SLC16A7: variants seen among roughly 807,000 people sequenced by gnomAD.
The protein encoded by SLC16A7 is solute carrier family 16 member 7.
A neutral mutation model predicts 34.9 loss-of-function variants in SLC16A7; 33 were observed. That is an observed-to-expected ratio of 0.94 (90% CI 0.72 to 1.26). The LOEUF is 1.26. Ranked by LOEUF, SLC16A7 falls within the 50% of genes most tolerant of loss-of-function variation. The pLI is 0.00. For synonymous variants in SLC16A7, 201 were observed against 206.6 expected, an observed-to-expected ratio of 0.97 and a Z score of 0.23; for missense variants, 573 against 578.1, an observed-to-expected ratio of 0.99 and a Z score of 0.09.
intron 3 of SLC16A7, among the ~76,000 whole-genome samples, chr12:59,754,276 T>TAA (rs1879995077): frequency 2.0e-5 from 3 of 151,686 alleles, no homozygotes; most frequent in Admixed American, 2.0e-4. Context: ...CTGAAGGAAA[T>TAA]AGAGACCAAA....
At chr12:59,747,642 A>G (rs781139843) in intron 3 of SLC16A7, among the ~76,000 whole-genome samples, 1 of 152,194 alleles carries the variant, frequency 6.6e-6, no homozygotes, top group Non-Finnish European at 1.5e-5. Context: ...TAAAGCAAAC[A>G]ATACTGTCAA....
At chr12:59,600,272 G>T (rs941365179) in intron 1 of SLC16A7, among the ~76,000 whole-genome samples, 11 of 151,958 alleles carry the variant, frequency 7.2e-5, no homozygotes, top group South Asian at 2.1e-4. Context: ...ACAGATTTTT[G>T]GGAACTCTGA....
At chr12:59,688,533 G>T (rs946487966) in intron 2 of SLC16A7, among the ~76,000 whole-genome samples, 1 of 152,036 alleles carries the variant, frequency 6.6e-6, no homozygotes, top group Non-Finnish European at 1.5e-5. Flanking sequence ...ATATTAAATT[G>T]TTAAGTGTCT....
chr12:59,736,828 T>A (rs1398035902), intron 3 of SLC16A7, among the ~76,000 whole-genome samples: 1 of 152,226 alleles, frequency 6.6e-6, no homozygotes, highest in African/African-American at 2.4e-5. Flanking sequence ...GATTCTCCAA[T>A]GATTTCTAGT....
At chr12:59,761,905 G>A (rs1178198386) in intron 3 of SLC16A7, among the ~76,000 whole-genome samples, 1 of 152,036 alleles carries the variant, frequency 6.6e-6, no homozygotes, top group Non-Finnish European at 1.5e-5. Flanking sequence ...TAAAAGAGAA[G>A]TCCTAAACAT....
intron 1 of SLC16A7, among the ~76,000 whole-genome samples, chr12:59,636,975 C>A (rs560609329): frequency 6.6e-6 from 1 of 152,078 alleles, no homozygotes; most frequent in Admixed American, 6.6e-5. Context: ...GTACCTCTGA[C>A]CTTTCAGCTC....
At chr12:59,638,492 G>C (rs561687454) in intron 1 of SLC16A7, among the ~76,000 whole-genome samples, 29 of 152,250 alleles carry the variant, frequency 1.9e-4, no homozygotes, top group African/African-American at 6.5e-4. Context: ...CAGTTCATTA[G>C]TGGTTGACCC....
chr12:59,720,271 C>A, intron 3 of SLC16A7: 2 of 512,260 alleles, frequency 3.9e-6, no homozygotes, highest in Non-Finnish European at 6.8e-6. Flanking sequence ...TTTTTAAGCA[C>A]CCTTTCATAA....
intron 1 of SLC16A7, among the ~76,000 whole-genome samples, chr12:59,605,374 G>A (rs571410084): frequency 2.6e-4 from 39 of 152,288 alleles, no homozygotes; most frequent in Non-Finnish European, 4.6e-4. Flanking sequence ...AGTTTGCAAG[G>A]TGGTAGGGAT....
At position 59,623,764 on chromosome 12, in the gene SLC16A7, T is replaced by G. The variant is rs945594420; in HGVS notation, c.-130+27528T>G. 5.9e-5 allele frequency among the ~76,000 whole-genome samples: 9 copies of G among 151,670 alleles called. No homozygotes were observed. In the East Asian group the frequency reaches 1.7e-3, roughly 29 times the overall value. On this transcript the variant is annotated intron_variant, in intron 1 of 5. Transcript: ENST00000547379. ...CCATTTCTATTGTTTTGTCTTACTA[T>G]TTTGCGAAGGATGTTTAAGAAAATA...
At chr12:59,632,254 A>G (rs1045066751) in intron 1 of SLC16A7, among the ~76,000 whole-genome samples, 1 of 152,024 alleles carries the variant, frequency 6.6e-6, no homozygotes, top group African/African-American at 2.4e-5. Flanking sequence ...TTTGACTTTT[A>G]TGCACTTTTA....
chr12:59,642,392 T>C (rs1592425776), intron 1 of SLC16A7, among the ~76,000 whole-genome samples: 1 of 152,064 alleles, frequency 6.6e-6, no homozygotes, highest in Non-Finnish European at 1.5e-5. Flanking sequence ...CATGCACATA[T>C]TTATTTCGCT....
chr12:59,599,342 G>T (rs950516319), intron 1 of SLC16A7, among the ~76,000 whole-genome samples: 4 of 151,976 alleles, frequency 2.6e-5, no homozygotes, highest in Admixed American at 2.0e-4. Context: ...GCTCTTTTGA[G>T]GATTCCTTTT....
intron 3 of SLC16A7, among the ~76,000 whole-genome samples, chr12:59,752,595 T>C (rs1022413994): frequency 3.3e-5 from 5 of 151,908 alleles, no homozygotes; most frequent in South Asian, 2.1e-4. Context: ...CCAAGAAATA[T>C]GGGACTATGT....
intron 1 of SLC16A7, among the ~76,000 whole-genome samples, chr12:59,606,910 A>G (rs1878972309): frequency 6.6e-6 from 1 of 152,158 alleles, no homozygotes; most frequent in African/African-American, 2.4e-5. Flanking sequence ...TAAAGGCACA[A>G]CCCAGAGTAG....
At chr12:59,751,529 A>C (rs1349924637) in intron 3 of SLC16A7, among the ~76,000 whole-genome samples, 1 of 152,226 alleles carries the variant, frequency 6.6e-6, no homozygotes, top group Non-Finnish European at 1.5e-5. Flanking sequence ...ATCAAACTGC[A>C]AGGCGGCAGC....
intron 1 of SLC16A7, among the ~76,000 whole-genome samples, chr12:59,649,733 G>C (rs138049044): frequency 0.068 from 10,360 of 152,184 alleles, 418 homozygotes; most frequent in Middle Eastern, 0.12. Context: ...TGGATCACCT[G>C]AGGTGAGGAG....
At chr12:59,774,394 TATATC>T (rs1217023439) in intron 4 of SLC16A7, among the ~76,000 whole-genome samples, 1 of 152,170 alleles carries the variant, frequency 6.6e-6, no homozygotes, top group Non-Finnish European at 1.5e-5. Context: ...CGACTGTTGA[TATATC>T]AGTAGAAATT....
At position 59,785,668 on chromosome 12, in the gene SLC16A7, C is replaced by G. The variant is rs1043103876; in HGVS notation, c.*5989C>G. The stretch of plus-strand genomic sequence containing the variant: ...TTGCATGATCTACATGTTTTTCAGT[C>G]TCCATATATACTTGTTAATAAGGTG... On this transcript the variant is annotated 3_prime_UTR_variant, in exon 6 of 6. Transcript: ENST00000547379. 1 of 151,964 alleles carries G rather than the reference C, an allele frequency of 6.6e-6. No homozygotes were observed. Among genetic ancestry groups the G allele is most frequent in the Non-Finnish European group, 1.5e-5 (1 of 67,986 alleles). 9.4% of individuals were successfully genotyped at this position (151,964 alleles called of 1,614,324 possible).
Sources: allele counts gnomAD v4.1 joint callset (sites outside exome capture counted in the v4.1 genomes callset), GRCh38; gene constraint gnomAD v4.1.1; transcripts MANE v1.5; gene names NCBI Gene and HGNC (gene_info 2026-07-23, HGNC 2026-07-21).